Variants in STK39 observed in about 807,000 individuals in gnomAD.
The protein encoded by STK39 is STE20/SPS1-related proline-alanine-rich protein kinase.
In STK39, 20 loss-of-function variants were observed where a neutral mutation model predicts 77.8. That is an observed-to-expected ratio of 0.26 (90% CI 0.18 to 0.37). The LOEUF is 0.37. STK39 is among the 10% of genes least tolerant of loss of function. The pLI is 1.00. For missense variants in STK39, 479 were observed against 656.5 expected, an observed-to-expected ratio of 0.73 and a Z score of 2.95; for synonymous variants, 246 against 234.1, an observed-to-expected ratio of 1.05 and a Z score of -0.47.
At chr2:168,122,508 T>C (rs1277863471) in intron 10 of STK39, among the ~76,000 whole-genome samples, 23 of 152,162 alleles carry the variant, frequency 1.5e-4, no homozygotes, top group Admixed American at 1.5e-3. Flanking sequence ...GGTGTGACTA[T>C]GGCTTACTGC....
At chr2:168,036,685 G>C (rs776329260) in intron 14 of STK39, among the ~76,000 whole-genome samples, 1 of 152,300 alleles carries the variant, frequency 6.6e-6, no homozygotes, top group East Asian at 1.9e-4. Flanking sequence ...CAGAAGTCAA[G>C]GGCTTCACTC....
At chr2:168,153,640 G>C (rs551910987) in intron 5 of STK39, among the ~76,000 whole-genome samples, 27 of 47,778 alleles carry the variant, frequency 5.7e-4, no homozygotes, top group African/African-American at 7.6e-4. Context: ...AATATGGGGT[G>C]GGGGGGGGTT....
chr2:168,171,866 C>A (rs111963916), intron 2 of STK39, among the ~76,000 whole-genome samples: 1 of 97,914 alleles, frequency 1.0e-5, no homozygotes, highest in East Asian at 6.5e-4. Context: ...CCCCCCTCCC[C>A]CCCACACACA....
At chr2:168,008,909 G>A (rs1050821568) in intron 16 of STK39, among the ~76,000 whole-genome samples, 3 of 152,144 alleles carry the variant, frequency 2.0e-5, no homozygotes, top group African/African-American at 7.2e-5. Context: ...TCAGGTTTAG[G>A]AACATGGCAG....
At chr2:168,097,803 G>T (rs534084064) in intron 10 of STK39, among the ~76,000 whole-genome samples, 16 of 152,140 alleles carry the variant, frequency 1.1e-4, no homozygotes, top group Middle Eastern at 3.4e-3. Flanking sequence ...TTACATGCTT[G>T]AATTTATCCA....
rs193043837 is a variant in STK39, at chr2:168,048,433, C to T, written c.1376+15067G>A. Among the ~76,000 whole-genome samples, 612 of 152,166 alleles carry T rather than the reference C, an allele frequency of 4.0e-3. 8 individuals are homozygous for T. Among genetic ancestry groups the T allele is most frequent in the African/African-American group, 0.014 (574 of 41,504 alleles). ...TTCACCACGTTAGCCAGGACGGTCT[C>T]GATCTCCTGACCTCGTGATCCGCCG... On this transcript the variant is annotated intron_variant, in intron 14 of 17. Coordinates refer to ENST00000355999, the MANE Select transcript of STK39 (RefSeq NM_013233.3).
chr2:168,030,918 A>G (rs1389836645), intron 14 of STK39, among the ~76,000 whole-genome samples: 2 of 152,244 alleles, frequency 1.3e-5, no homozygotes, highest in African/African-American at 2.4e-5. Flanking sequence ...ACATCCATGC[A>G]CGAGAATACA....
intron 12 of STK39, among the ~76,000 whole-genome samples, chr2:168,069,862 A>T (rs1685894516): frequency 6.6e-6 from 1 of 152,204 alleles, no homozygotes; most frequent in Non-Finnish European, 1.5e-5. Flanking sequence ...CCTAACTGAG[A>T]TGCTACTATA....
chr2:167,999,338 G>A (rs908148505), intron 16 of STK39, among the ~76,000 whole-genome samples: 7 of 152,192 alleles, frequency 4.6e-5, no homozygotes, highest in African/African-American at 1.7e-4. Context: ...ACTGACACCT[G>A]TGTACTGACT....
chr2:168,223,416 G>A (rs1224259223), intron 1 of STK39, among the ~76,000 whole-genome samples: 1 of 150,946 alleles, frequency 6.6e-6, no homozygotes, highest in Non-Finnish European at 1.5e-5. Flanking sequence ...GGAGGGCGAG[G>A]CAGGAGAATT....
In STK39 at chr2:168,163,744, A is replaced by C. The variant is rs1688632604; in HGVS notation, c.567T>G (p.Ile189Met). The change falls in exon 4 of 18, where the codon ATT becomes ATG. Residue 189 changes from isoleucine (I) to methionine (M), a missense_variant. Ile to Met is a conservative substitution (Grantham distance 10). This residue lies in a region of STK39 where 139 missense variants were observed against 280.6 expected (regional missense o/e 0.50). Coordinates refer to ENST00000355999, the MANE Select transcript of STK39 (RefSeq NM_013233.3). ...GLDYLHRNGQ[I>M]HRDLKAGNIL... ...CATCTCTGCAGAGGTCATACCTGTG[A>C]ATCTGACCGTTTCTGTGTAGATAGT... 5 of 1,613,898 alleles carry C rather than the reference A, an allele frequency of 3.1e-6. No homozygotes were observed. Among genetic ancestry groups the C allele is most frequent in the African/African-American group, 1.3e-5 (1 of 75,022 alleles).
intron 17 of STK39, chr2:167,964,394 A>G: frequency 2.7e-6 from 1 of 368,244 alleles, no homozygotes; most frequent in Non-Finnish European, 4.9e-6. Context: ...AAGCAAAATG[A>G]TCTAGGCTTC....
At chr2:168,104,795 A>G (rs1302371120) in intron 10 of STK39, among the ~76,000 whole-genome samples, 1 of 152,216 alleles carries the variant, frequency 6.6e-6, no homozygotes, top group Non-Finnish European at 1.5e-5. Context: ...TTGACCTTGC[A>G]TTTCCAGTTT....
chr2:168,017,130 G>C, intron 14 of STK39, 35 bp from the exon 15 acceptor site: 1 of 1,463,656 alleles, frequency 6.8e-7, no homozygotes, highest in South Asian at 1.3e-5. Flanking sequence ...TTAAAGTCTA[G>C]GGAAGCAGAG....
intron 6 of STK39, 41 bp downstream of exon 6, chr2:168,140,608 G>A (rs1185595287): frequency 2.0e-6 from 3 of 1,474,092 alleles, no homozygotes; most frequent in Admixed American, 3.7e-5. Flanking sequence ...CTGTACGATT[G>A]TACTATGTCC....
rs148273029 is a variant in STK39, at chr2:168,208,732, G to A, written c.209-26642C>T. ...GACCACGTGACTTGTTCTGGCCAGT[G>A]AAATGTGAGCAATGATGAGCACCTC... On this transcript the variant is annotated intron_variant, in intron 1 of 17. Coordinates refer to ENST00000355999, the MANE Select transcript of STK39 (RefSeq NM_013233.3). 1.8e-3 allele frequency among the ~76,000 whole-genome samples: 273 copies of A among 152,342 alleles called. 1 individual carries two copies. Among genetic ancestry groups the A allele is most frequent in the African/African-American group, 5.7e-3 (239 of 41,588 alleles).
At chr2:168,056,376 G>A (rs922730738) in intron 14 of STK39, among the ~76,000 whole-genome samples, 3 of 152,020 alleles carry the variant, frequency 2.0e-5, no homozygotes, top group South Asian at 2.1e-4. Context: ...AGGAAGCCAC[G>A]TTCCCAGCAG....
chr2:168,088,743 T>C lies in STK39; in HGVS notation c.1090-13512A>G, dbSNP rs1686437060. On this transcript the variant is annotated intron_variant, in intron 10 of 17. Transcript: ENST00000355999. ...ACACATTTCTAGATATGTTCGTATA[T>C]GCACATAGCATTTTGGGAAGCATTT... Among the ~76,000 whole-genome samples the C allele has an allele frequency of 2.0e-5, 3 of 152,306 alleles. No individual in the cohort carries two copies. The South Asian group carries it at 6.2e-4, about 32-fold the overall frequency.
chr2:168,015,829 A>AAC (rs1205384748), intron 15 of STK39, among the ~76,000 whole-genome samples: 4 of 152,208 alleles, frequency 2.6e-5, no homozygotes, highest in African/African-American at 9.6e-5. Flanking sequence ...GCTTTTTGAC[A>AAC]ACACTAGCTG....
Sources: gnomAD v4.1 joint callset for allele counts (sites outside exome capture counted in the v4.1 genomes callset) on GRCh38, gnomAD v4.1.1 for gene constraint, gnomAD v4.1.1 regional missense constraint, MANE v1.5 for transcripts, NCBI Gene and HGNC (gene_info 2026-07-23, HGNC 2026-07-21) for gene names.